The following RPS6KA5 variants were observed in gnomAD, a reference collection of about 807,000 sequenced individuals.
RPS6KA5 encodes the protein ribosomal protein S6 kinase alpha-5.
In RPS6KA5, 27 loss-of-function variants were observed where a neutral mutation model predicts 85.5. The observed-to-expected ratio is 0.32, with a 90% CI of 0.23 to 0.44. The LOEUF (loss-of-function observed/expected upper bound fraction) is 0.44, where lower values mean the gene tolerates loss of function less well. Ranked by LOEUF, RPS6KA5 falls within the 20% of genes least tolerant of loss-of-function variation. The probability of loss-of-function intolerance (pLI) is 1.00; values close to 1 mark genes in which losing one functional copy is unlikely to be tolerated. For missense variants in RPS6KA5, 811 were observed against 980.9 expected, an observed-to-expected ratio of 0.83 and a Z score of 2.31; for synonymous variants, 334 against 348.2, an observed-to-expected ratio of 0.96 and a Z score of 0.46.
chr14:90,940,135 T>C (rs930092123), intron 5 of RPS6KA5, among the ~76,000 whole-genome samples: 1 of 152,160 alleles, frequency 6.6e-6, no homozygotes, highest in African/African-American at 2.4e-5. Context: ...CATGATAGTA[T>C]GTCCTCTAGG....
intron 3 of RPS6KA5, among the ~76,000 whole-genome samples, chr14:90,956,564 C>T (rs1309377223): frequency 6.6e-6 from 1 of 151,962 alleles, no homozygotes; most frequent in Non-Finnish European, 1.5e-5. Flanking sequence ...CTATATATCT[C>T]ATATCTTTTT....
In RPS6KA5 at chr14:90,862,680, T is replaced by TTC. The variant is rs2032619630; in HGVS notation, c.*9393_*9394insGA. 6.6e-6 allele frequency: 1 copy of TTC among 152,206 alleles called. No homozygotes were observed. The highest frequency in any genetic ancestry group is 2.4e-5 in the African/African-American group (1 of 41,428). The allele number at this position is 152,206 out of a possible 1,614,324, so 9.4% of individuals were successfully genotyped here. A position where few individuals can be genotyped will look rare whatever the true frequency, so the allele number is the denominator to read the frequency against. ...GGTCTCTCTATGTTGCCCAGGCTGG[T>TTC]CTCCAACTCCTGGGCTAAAGCAATC... is the stretch of plus-strand genomic sequence containing the variant. On this transcript the variant is annotated 3_prime_UTR_variant, in exon 17 of 17. Transcript: ENST00000614987.
intron 3 of RPS6KA5, among the ~76,000 whole-genome samples, chr14:90,952,991 A>T (rs2038287559): frequency 6.6e-6 from 1 of 152,190 alleles, no homozygotes; most frequent in African/African-American, 2.4e-5. Flanking sequence ...TCTCTGTTTA[A>T]TCGGCTTGTT....
intron 4 of RPS6KA5, among the ~76,000 whole-genome samples, chr14:90,945,776 C>A (rs145529838): frequency 8.2e-4 from 125 of 152,254 alleles, no homozygotes; most frequent in Admixed American, 5.7e-3. Context: ...GAGGCTGAGG[C>A]GGGCAGATTG....
chr14:90,981,693 C>G (rs2039795684), intron 2 of RPS6KA5, among the ~76,000 whole-genome samples: 1 of 152,310 alleles, frequency 6.6e-6, no homozygotes, highest in East Asian at 1.9e-4. Flanking sequence ...ATGAAGCTCA[C>G]AAATATTTTG....
intron 1 of RPS6KA5, among the ~76,000 whole-genome samples, chr14:91,036,893 T>G (rs10137806): frequency 0.015 from 2,333 of 152,204 alleles, 72 homozygotes; most frequent in African/African-American, 0.053. Flanking sequence ...GGGTGGACAG[T>G]GGAGACGCCT....
At chr14:91,031,181 C>T (rs1292349332) in intron 1 of RPS6KA5, among the ~76,000 whole-genome samples, 1 of 152,148 alleles carries the variant, frequency 6.6e-6, no homozygotes, top group Non-Finnish European at 1.5e-5. Context: ...TCAAACTTCT[C>T]ATCAGCATCA....
At chr14:90,946,300 T>C (rs917441954) in intron 4 of RPS6KA5, among the ~76,000 whole-genome samples, 2 of 93,476 alleles carry the variant, frequency 2.1e-5, no homozygotes, top group Non-Finnish European at 4.1e-5. Context: ...GCCCTGCCCC[T>C]CAACCCCCCC....
intron 11 of RPS6KA5, 121 bp downstream of exon 11, chr14:90,899,987 G>T: frequency 2.6e-6 from 2 of 779,966 alleles, no homozygotes; most frequent in South Asian, 6.7e-5. Flanking sequence ...GAGCCAAGTG[G>T]TTAAACCTTT....
intron 5 of RPS6KA5, among the ~76,000 whole-genome samples, chr14:90,926,477 C>T (rs2036675022): frequency 6.6e-6 from 1 of 151,612 alleles, no homozygotes; most frequent in Admixed American, 6.6e-5. Flanking sequence ...TTGCAAAAGT[C>T]CTAAGCAGAT....
chr14:90,977,250 G>C (rs1449349040), intron 3 of RPS6KA5, among the ~76,000 whole-genome samples: 2 of 152,188 alleles, frequency 1.3e-5, no homozygotes, highest in African/African-American at 4.8e-5. Context: ...TTCTAGGAGA[G>C]AGTTATATCA....
At chr14:90,930,310 G>A (rs778875296) in intron 5 of RPS6KA5, among the ~76,000 whole-genome samples, 19 of 152,176 alleles carry the variant, frequency 1.2e-4, no homozygotes, top group Admixed American at 3.9e-4. Context: ...TTTCGAATAA[G>A]AAGAGAAAAG....
At chr14:90,994,561 ATTTTTTTTTTTT>A (rs935828871) in intron 2 of RPS6KA5, among the ~76,000 whole-genome samples, 8 of 61,942 alleles carry the variant, frequency 1.3e-4, no homozygotes, top group African/African-American at 2.5e-4. Context: ...GATGTTTGTG[ATTTTTTTTTTTT>A]TTTTTTTTTT....
intron 3 of RPS6KA5, among the ~76,000 whole-genome samples, chr14:90,952,672 T>C (rs1301173344): frequency 6.6e-6 from 1 of 152,206 alleles, no homozygotes; most frequent in African/African-American, 2.4e-5. Context: ...GGCTAATGAG[T>C]CTCAAACATC....
At chr14:90,996,265 G>T (rs1238457030) in intron 2 of RPS6KA5, among the ~76,000 whole-genome samples, 1 of 148,250 alleles carries the variant, frequency 6.7e-6, no homozygotes, top group Non-Finnish European at 1.5e-5. Context: ...TTGAACTCCT[G>T]GGCTCAACTG....
intron 4 of RPS6KA5, among the ~76,000 whole-genome samples, chr14:90,945,820 T>G (rs2037842703): frequency 6.6e-6 from 1 of 152,114 alleles, no homozygotes; most frequent in South Asian, 2.1e-4. Flanking sequence ...CTAGGCAATA[T>G]GGCAAAACCT....
chr14:90,872,283 T>C lies in RPS6KA5; in HGVS notation c.2200A>G (p.Asn734Asp), dbSNP rs937248322. The change falls in exon 17 of 17, where the codon AAT (asparagine) becomes GAT (aspartate). Residue 734 changes from asparagine to aspartate, a missense_variant. Coordinates refer to ENST00000614987, the MANE Select transcript of RPS6KA5 (RefSeq NM_004755.4). ...KYKREGFCLQ[N>D]VDKAPLAKRR... ...TTAGCCAAAGGGGCCTTATCAACATTCTGAAGGCAAAACCCCTCTCTCTTG... is the reference window on the plus strand; with the variant it reads ...TTAGCCAAAGGGGCCTTATCAACATCCTGAAGGCAAAACCCCTCTCTCTTG... 9 of 1,613,498 alleles carry C rather than the reference T, an allele frequency of 5.6e-6. No individual in the cohort carries two copies. The highest frequency in any genetic ancestry group is 1.7e-5 in the Admixed American group (1 of 59,884).
At chr14:91,015,628 G>A (rs2041456253) in intron 1 of RPS6KA5, among the ~76,000 whole-genome samples, 1 of 152,128 alleles carries the variant, frequency 6.6e-6, no homozygotes, top group Non-Finnish European at 1.5e-5. Context: ...ATTCTATTGT[G>A]AGAAAGTACT....
intron 7 of RPS6KA5, among the ~76,000 whole-genome samples, chr14:90,912,809 T>C (rs1649708874): frequency 6.6e-6 from 1 of 150,880 alleles, no homozygotes; most frequent in Non-Finnish European, 1.5e-5. Flanking sequence ...GTGACTGCAC[T>C]CAAAAGTCTC....
Sources: allele counts gnomAD v4.1 joint callset (sites outside exome capture counted in the v4.1 genomes callset), GRCh38; gene constraint gnomAD v4.1.1; transcripts MANE v1.5; gene names NCBI Gene and HGNC (gene_info 2026-07-23, HGNC 2026-07-21).